RRM1: variants seen among roughly 807,000 people sequenced by gnomAD.
RRM1 encodes the protein ribonucleoside-diphosphate reductase large subunit.
A neutral mutation model predicts 101.5 loss-of-function variants in RRM1; 19 were observed. That is an observed-to-expected ratio of 0.19 (90% CI 0.13 to 0.27). The LOEUF is 0.27. RRM1 is among the 10% of genes least tolerant of loss of function. The pLI is 1.00. For synonymous variants in RRM1, 298 were observed against 323.4 expected (o/e 0.92, Z 0.84); for missense variants, 500 against 962.9 (o/e 0.52, Z 6.36).
rs1022432219 is a variant in RRM1 at position 4,135,331 on chromosome 11, G to T, written c.2190+61G>T. 49 of 1,335,826 alleles carry T rather than the reference G, an allele frequency of 3.7e-5. 2 individuals are homozygous for T. Among genetic ancestry groups the T allele is most frequent in the Non-Finnish European group, 1.0e-6 (1 of 976,082 alleles). 82.7% of individuals were successfully genotyped at this position (1,335,826 alleles called of 1,614,324 possible). A position where few individuals can be genotyped will look rare whatever the true frequency, so the allele number is the denominator to read the frequency against. On this transcript the variant is annotated intron_variant, in intron 18 of 18. Coordinates refer to ENST00000300738, the MANE Select transcript of RRM1 (RefSeq NM_001033.5). ...GCTTGAGATATTTTGGCATTGGAAT[G>T]ATTTTATGTTTTAGCCACCTATTAA...
chr11:4,102,524 G>C (rs919887893), intron 2 of RRM1, among the ~76,000 whole-genome samples: 2 of 152,054 alleles, frequency 1.3e-5, no homozygotes, highest in Non-Finnish European at 2.9e-5. Context: ...CGGGCCTGGT[G>C]GTGGGCGCCT....
intron 11 of RRM1, among the ~76,000 whole-genome samples, chr11:4,122,641 G>C (rs981580195): frequency 2.0e-5 from 3 of 152,184 alleles, no homozygotes; most frequent in Admixed American, 6.5e-5. Context: ...GGGAAGATGA[G>C]GCAGGTGGAT....
intron 2 of RRM1, among the ~76,000 whole-genome samples, chr11:4,103,393 T>C: frequency 6.6e-6 from 1 of 152,242 alleles, no homozygotes; most frequent in East Asian, 1.9e-4. Flanking sequence ...CTTTGGTTTA[T>C]AGATAAGAAA....
chr11:4,136,443 C>T (rs1590736247), intron 18 of RRM1, among the ~76,000 whole-genome samples: 1 of 152,260 alleles, frequency 6.6e-6, no homozygotes, highest in East Asian at 1.9e-4. Flanking sequence ...TGGTCTCAAA[C>T]TCCTGGCCTC....
intron 3 of RRM1, among the ~76,000 whole-genome samples, chr11:4,106,934 C>T (rs933032824): frequency 6.6e-6 from 1 of 151,846 alleles, no homozygotes; most frequent in African/African-American, 2.4e-5. Context: ...GCTCTTATCG[C>T]CTAGGCTGGA....
intron 3 of RRM1, 118 bp downstream of exon 3, chr11:4,106,341 C>T (rs547396225): frequency 2.2e-5 from 19 of 858,116 alleles, no homozygotes; most frequent in East Asian, 8.0e-5. Flanking sequence ...GCTTACACCT[C>T]GAATCCCAGC....
intron 18 of RRM1, among the ~76,000 whole-genome samples, chr11:4,135,826 G>A (rs1767603751): frequency 6.6e-6 from 1 of 151,242 alleles, no homozygotes; most frequent in African/African-American, 2.4e-5. Flanking sequence ...AATGTATTGG[G>A]TATTTAAGTA....
At chr11:4,130,511 C>T (rs909134031) in intron 15 of RRM1, among the ~76,000 whole-genome samples, 12 of 152,166 alleles carry the variant, frequency 7.9e-5, no homozygotes, top group Admixed American at 2.6e-4. Flanking sequence ...GCTTGGGCAA[C>T]ATGGCGAAAC....
intron 12 of RRM1, 83 bp downstream of exon 12, chr11:4,123,467 T>TTATCTCAAG: frequency 2.7e-6 from 3 of 1,110,124 alleles, no homozygotes; most frequent in Non-Finnish European, 4.1e-6. Flanking sequence ...TTGATTTCAC[T>TTATCTCAAG]TGAGATAAGT....
rs2094604110 is a variant in RRM1, at chr11:4,133,607, A to G, written c.1950A>G (p.Leu650=). ...TGAAAGATCTTACCGAGCGGGGCCT[A>G]TGGCATGAAGAGATGAAAAACCAGA... ...HLLKDLTERG[L]WHEEMKNQII... is the part of the protein sequence containing the mutation. The change falls in exon 17 of 19, where the codon CTA becomes CTG. Residue 650 remains leucine (L), a synonymous_variant. Transcript: ENST00000300738. The G allele has an allele frequency of 5.6e-6, 9 of 1,612,804 alleles. No homozygotes were observed. The highest frequency in any genetic ancestry group is 6.8e-6 in the Non-Finnish European group (8 of 1,179,232).
At chr11:4,134,195 C>G (rs1487973381) in intron 17 of RRM1, among the ~76,000 whole-genome samples, 2 of 151,978 alleles carry the variant, frequency 1.3e-5, no homozygotes, top group Non-Finnish European at 2.9e-5. Flanking sequence ...ATTGGCCAGG[C>G]TCCTGACCTC....
At chr11:4,126,405 T>C (rs1215705580) in intron 12 of RRM1, among the ~76,000 whole-genome samples, 1 of 152,206 alleles carries the variant, frequency 6.6e-6, no homozygotes, top group Non-Finnish European at 1.5e-5. Context: ...TAGTGTGATA[T>C]ATGTCTGGTA....
intron 18 of RRM1, among the ~76,000 whole-genome samples, chr11:4,136,922 C>T (rs9665794): frequency 0.88 from 132,148 of 150,114 alleles, 58,495 homozygotes; most frequent in South Asian, 0.93. Flanking sequence ...TGCGGCCTTC[C>T]GCAGTGTTTG....
At chr11:4,096,345 C>T (rs868051734) in intron 1 of RRM1, among the ~76,000 whole-genome samples, 2 of 152,130 alleles carry the variant, frequency 1.3e-5, no homozygotes. Flanking sequence ...TAGCACAGGA[C>T]CTGACATGAA....
chr11:4,116,068 G>C (rs184681922), intron 7 of RRM1: 8 of 152,346 alleles, frequency 5.3e-5, no homozygotes, highest in East Asian at 1.9e-4. Context: ...TGGTCCGCAG[G>C]GGGAGGGCCA....
chr11:4,096,131 TGCTCTTGCCTCA>T (rs1219646467), intron 1 of RRM1, among the ~76,000 whole-genome samples: 1 of 152,224 alleles, frequency 6.6e-6, no homozygotes, highest in Non-Finnish European at 1.5e-5. Flanking sequence ...GCTCAAGCGA[TGCTCTTGCCTCA>T]GCCTCTCAAG....
At chr11:4,130,967 C>A (rs2094599059) in intron 15 of RRM1, among the ~76,000 whole-genome samples, 1 of 151,774 alleles carries the variant, frequency 6.6e-6, no homozygotes, top group African/African-American at 2.4e-5. Flanking sequence ...GAGAACCACC[C>A]CCCAAAAAAA....
intron 12 of RRM1, among the ~76,000 whole-genome samples, chr11:4,125,202 C>T (rs2094587717): frequency 2.0e-5 from 3 of 152,070 alleles, no homozygotes. Context: ...CGTGAGCCAC[C>T]GTGACCGGCC....
intron 3 of RRM1, among the ~76,000 whole-genome samples, chr11:4,106,948 C>G (rs1215758581): frequency 6.6e-6 from 1 of 151,620 alleles, no homozygotes; most frequent in Non-Finnish European, 1.5e-5. Context: ...GGCTGGAGTG[C>G]AATGGTGTGA....
Sources: allele counts gnomAD v4.1 joint callset (sites outside exome capture counted in the v4.1 genomes callset), GRCh38; gene constraint gnomAD v4.1.1; transcripts MANE v1.5; gene names NCBI Gene and HGNC (gene_info 2026-07-23, HGNC 2026-07-21).